Variants in TMEM266 observed in about 807,000 individuals in gnomAD.
TMEM266 encodes the protein Hv1 related protein 1.
In TMEM266, 33 loss-of-function variants were observed where a neutral mutation model predicts 50.5. The observed-to-expected ratio is 0.65, with a 90% CI of 0.50 to 0.87. The LOEUF is 0.87. Among genes scored for constraint, TMEM266 ranks in the 40% least tolerant of loss-of-function variants. The probability of loss-of-function intolerance (pLI) is 0.00; values close to 1 mark genes in which losing one functional copy is unlikely to be tolerated. For missense variants in TMEM266, 655 were observed against 695.1 expected (o/e 0.94, Z 0.65); for synonymous variants, 310 against 292.3 (o/e 1.06, Z -0.62).
At chr15:76,144,362 A>G (rs950501673) in intron 3 of TMEM266, among the ~76,000 whole-genome samples, 1 of 152,266 alleles carries the variant, frequency 6.6e-6, no homozygotes, top group Admixed American at 6.5e-5. Context: ...AGTCAGCCGT[A>G]GTCACCCTGG....
chr15:76,158,102 C>T (rs974815956), intron 4 of TMEM266, among the ~76,000 whole-genome samples: 3 of 152,198 alleles, frequency 2.0e-5, no homozygotes, highest in Non-Finnish European at 4.4e-5. Flanking sequence ...ATCCAGTCAC[C>T]TCCAAACCCA....
At chr15:76,091,368 C>G (rs1429312196) in intron 1 of TMEM266, among the ~76,000 whole-genome samples, 1 of 150,388 alleles carries the variant, frequency 6.6e-6, no homozygotes, top group African/African-American at 2.4e-5. Flanking sequence ...TGCAGCAGAC[C>G]CACAGAGTAA....
rs1480345947 is a variant in TMEM266 at position 76,162,723 on chromosome 15, G to A, written c.456+2555G>A. Among the ~76,000 whole-genome samples, 3 of 152,236 alleles carry A rather than the reference G, an allele frequency of 2.0e-5. No individual in the cohort carries two copies. The East Asian group carries it at 5.8e-4, about 29-fold the overall frequency. On this transcript the variant is annotated intron_variant, in intron 5 of 10. Transcript: ENST00000388942. ...GGAGGCCCTGAAGCTGGCAGGGTGG[G>A]CAGGGACCAGGGGTCTCTGGGAAGG...
intron 9 of TMEM266, among the ~76,000 whole-genome samples, chr15:76,199,583 G>A (rs540495742): frequency 6.6e-6 from 1 of 152,344 alleles, no homozygotes; most frequent in East Asian, 1.9e-4. Flanking sequence ...GTTGGCAGAG[G>A]AGGGCAGTTT....
intron 1 of TMEM266, among the ~76,000 whole-genome samples, chr15:76,100,212 G>A (rs766033694): frequency 6.6e-6 from 1 of 152,154 alleles, no homozygotes; most frequent in Non-Finnish European, 1.5e-5. Flanking sequence ...ACCCAAGGTG[G>A]TTTCCTCTGC....
chr15:76,077,211 C>G (rs1459441788), intron 1 of TMEM266, among the ~76,000 whole-genome samples: 1 of 152,074 alleles, frequency 6.6e-6, no homozygotes, highest in African/African-American at 2.4e-5. Flanking sequence ...AGTGATCAAT[C>G]CACCTTGGCC....
intron 7 of TMEM266, 143 bp from the exon 8 acceptor site, chr15:76,175,416 G>T: frequency 3.2e-6 from 2 of 631,086 alleles, no homozygotes; most frequent in South Asian, 1.9e-5. Context: ...GGATGCTCTC[G>T]GGTACCTGGA....
chr15:76,095,201 A>G (rs536194118), intron 1 of TMEM266, among the ~76,000 whole-genome samples: 2 of 152,058 alleles, frequency 1.3e-5, no homozygotes, highest in Non-Finnish European at 2.9e-5. Context: ...CAGTTTTCAA[A>G]GGGAATGCTT....
At chr15:76,173,759 C>G (rs959383855) in intron 7 of TMEM266, among the ~76,000 whole-genome samples, 1 of 151,786 alleles carries the variant, frequency 6.6e-6, no homozygotes, top group Non-Finnish European at 1.5e-5. Context: ...CCTGTGAAAC[C>G]CCGTCTCTAC....
chr15:76,125,503 A>G lies in TMEM266; in HGVS notation c.-96-8665A>G, dbSNP rs111791520. On this transcript the variant is annotated intron_variant, in intron 1 of 10. Transcript: ENST00000388942. Reference sequence around the variant, plus strand: ...AATATATAATATATAAGGAACCCATATAACTCAATATATAATATATAAGGA... The same window carrying G: ...AATATATAATATATAAGGAACCCATGTAACTCAATATATAATATATAAGGA... 9.6e-3 allele frequency among the ~76,000 whole-genome samples: 1,457 copies of G among 152,004 alleles called. 24 individuals are homozygous for G. Among genetic ancestry groups the G allele is most frequent in the African/African-American group, 0.033 (1,362 of 41,490 alleles).
chr15:76,080,470 C>T (rs1423907247), intron 1 of TMEM266, among the ~76,000 whole-genome samples: 3 of 150,756 alleles, frequency 2.0e-5, no homozygotes, highest in African/African-American at 4.9e-5. Context: ...CAGGTGGTCT[C>T]GAACTCCCGA....
intron 9 of TMEM266, among the ~76,000 whole-genome samples, chr15:76,196,698 T>C (rs1440495903): frequency 6.6e-6 from 1 of 151,986 alleles, no homozygotes; most frequent in Non-Finnish European, 1.5e-5. Flanking sequence ...GGGCCGTGTG[T>C]TTTGCAGGGT....
At chr15:76,109,943 A>G (rs1385068982) in intron 1 of TMEM266, among the ~76,000 whole-genome samples, 1 of 151,258 alleles carries the variant, frequency 6.6e-6, no homozygotes, top group Non-Finnish European at 1.5e-5. Flanking sequence ...TATAGGTGAG[A>G]GCCGCCATGC....
chr15:76,118,362 G>A (rs1314053250), intron 1 of TMEM266, among the ~76,000 whole-genome samples: 1 of 152,150 alleles, frequency 6.6e-6, no homozygotes, highest in African/African-American at 2.4e-5. Context: ...AGGAGTTTGA[G>A]ACCAGCCTGT....
At chr15:76,194,999 C>CCCAGCTTGCCTT (rs1363591214) in intron 9 of TMEM266, among the ~76,000 whole-genome samples, 1 of 152,186 alleles carries the variant, frequency 6.6e-6, no homozygotes, top group Admixed American at 6.5e-5. Context: ...CTCCTTCCAC[C>CCCAGCTTGCCTT]CCAGCTTGCC....
At chr15:76,127,115 AC>A (rs1439614093) in intron 1 of TMEM266, among the ~76,000 whole-genome samples, 3 of 152,174 alleles carry the variant, frequency 2.0e-5, no homozygotes, top group African/African-American at 7.2e-5. Context: ...TCTCATTACT[AC>A]CAAACAAAAA....
chr15:76,138,097 C>T lies in TMEM266; in HGVS notation c.227+202C>T, dbSNP rs376979477. 1.4e-4 allele frequency among the ~76,000 whole-genome samples: 22 copies of T among 152,154 alleles called. No individual in the cohort carries two copies. In the East Asian group the frequency reaches 2.3e-3, roughly 16 times the overall value. ...ATTAGCCGAGTGTGGTGGTGCAGCC[C>T]TGTAATCTCAGCTATTCAGGAGGCT... is the stretch of plus-strand genomic sequence containing the variant. On this transcript the variant is annotated intron_variant, in intron 3 of 10. Coordinates refer to ENST00000388942, the MANE Select transcript of TMEM266 (RefSeq NM_152335.3).
chr15:76,200,902 A>T (rs578079106), intron 9 of TMEM266, among the ~76,000 whole-genome samples: 1 of 152,170 alleles, frequency 6.6e-6, no homozygotes. Flanking sequence ...AGGCCAGAAA[A>T]GCTTTTAAGA....
At chr15:76,097,606 G>A (rs1353508072) in intron 1 of TMEM266, among the ~76,000 whole-genome samples, 1 of 151,932 alleles carries the variant, frequency 6.6e-6, no homozygotes, top group East Asian at 1.9e-4. Context: ...GTATCTTTGT[G>A]GTGTTCTCTG....
Sources: gnomAD v4.1 joint callset for allele counts (sites outside exome capture counted in the v4.1 genomes callset) on GRCh38, gnomAD v4.1.1 for gene constraint, MANE v1.5 for transcripts, NCBI Gene and HGNC (gene_info 2026-07-23, HGNC 2026-07-21) for gene names.